The following FKBP15 variants were observed in gnomAD, a reference collection of about 807,000 sequenced individuals.
FKBP15 encodes FKBP prolyl isomerase family member 15, also known as FK506-binding protein 15.
Under a neutral mutation model 158.1 loss-of-function variants are expected in FKBP15, and 106 were observed. The observed-to-expected ratio is 0.67, with a 90% CI of 0.57 to 0.79. The LOEUF is 0.79. Ranked by LOEUF, FKBP15 falls within the 30% of genes least tolerant of loss-of-function variation. The pLI, the probability that FKBP15 is intolerant of heterozygous loss-of-function variation, is 0.00. For missense variants in FKBP15, 1,287 were observed against 1,479.1 expected (o/e 0.87, Z 2.13); for synonymous variants, 547 against 548.6 (o/e 1.00, Z 0.04).
chr9:113,188,436 G>T lies in FKBP15; in HGVS notation c.1229C>A (p.Pro410His), dbSNP rs758106688. ...CGCTGGATGGGCCGGATGAAGAGAG[G>T]GCTGGACGGACGGAGTCACCACAGG... ...GQPVVTPSVQ[P>H]SLHPAHPALP... The change falls in exon 13 of 28, where the codon CCC becomes CAC. Residue 410 changes from proline (P) to histidine (H), a missense_variant. Pro to His is a moderately conservative substitution (Grantham distance 77). Coordinates refer to ENST00000238256, the MANE Select transcript of FKBP15 (RefSeq NM_015258.2). 2.9e-5 allele frequency: 46 copies of T among 1,613,940 alleles called. 1 individual carries two copies. Among genetic ancestry groups the T allele is most frequent in the Non-Finnish European group, 2.8e-5 (33 of 1,179,866 alleles).
At chr9:113,188,548 A>C in intron 12 of FKBP15, 57 bp from the exon 13 acceptor site, 1 of 1,391,360 alleles carries the variant, frequency 7.2e-7, no homozygotes, top group South Asian at 1.2e-5. Context: ...TTGAAGACTG[A>C]GGCTGACTGT....
intron 20 of FKBP15, 35 bp from the exon 21 acceptor site, chr9:113,176,708 A>C: frequency 6.2e-7 from 1 of 1,601,060 alleles, no homozygotes; most frequent in Non-Finnish European, 8.5e-7. Context: ...TCGCTACAGA[A>C]CCAAAGCTGT....
In FKBP15 at chr9:113,170,554, T is replaced by A. The variant is rs751650276; in HGVS notation, c.2734A>T (p.Thr912Ser). The change falls in exon 25 of 28, where the codon ACC (threonine) becomes TCC (serine). Residue 912 changes from threonine (T) to serine (S), a missense_variant. Coordinates refer to ENST00000238256, the MANE Select transcript of FKBP15 (RefSeq NM_015258.2). ...FELEESYNGR[T>S]ILGTIMNTIK... ...GTATTCATGATGGTTCCCAGAATGGTCCTGCCATTGTAAGATTCCTCCAGC... is the reference window on the plus strand; with the variant it reads ...GTATTCATGATGGTTCCCAGAATGGACCTGCCATTGTAAGATTCCTCCAGC... 8.1e-6 allele frequency: 13 copies of A among 1,613,650 alleles called. No individual in the cohort carries two copies. Among genetic ancestry groups the A allele is most frequent in the Non-Finnish European group, 1.1e-5 (13 of 1,179,662 alleles).
In FKBP15 at chr9:113,211,528, G is replaced by A. The variant is rs764998733; in HGVS notation, c.118C>T (p.Gln40Ter). 1 of 1,609,516 alleles carries A rather than the reference G, an allele frequency of 6.2e-7. No individual in the cohort carries two copies. Among genetic ancestry groups the A allele is most frequent in the Non-Finnish European group, 8.5e-7 (1 of 1,178,074 alleles). ...AAAGHGNEFFQYTAPKQPKKG... is the reference protein window; with the variant it reads ...AAAGHGNEFF ...TTAGGCTGTTTTGGGGCTGTGTACT[G>A]GAAAAATTCATTTCCATGGCCAGCA... Residue 40 changes from glutamine (Q) to a stop codon, truncating the protein, a stop_gained, in exon 2 of 28, where the codon CAG (glutamine) becomes TAG (stop). Coordinates refer to ENST00000238256, the MANE Select transcript of FKBP15 (RefSeq NM_015258.2). LOFTEE classifies it high-confidence loss of function.
At chr9:113,219,574 C>T (rs1223796218) in intron 1 of FKBP15, among the ~76,000 whole-genome samples, 1 of 152,104 alleles carries the variant, frequency 6.6e-6, no homozygotes, top group Non-Finnish European at 1.5e-5. Flanking sequence ...TGTCTAGGAG[C>T]ACAGTCACAT....
intron 15 of FKBP15, among the ~76,000 whole-genome samples, chr9:113,185,908 A>G (rs988693145): frequency 6.6e-6 from 1 of 152,180 alleles, no homozygotes; most frequent in Non-Finnish European, 1.5e-5. Context: ...TATTTTCTCT[A>G]AACTCTAGCT....
In FKBP15 at chr9:113,168,555, G is replaced by C; in HGVS notation, c.3487C>G (p.Leu1163Val). ...AGTTCATCCTCTTCATCCCCAGAGA[G>C]ACTGAAGGAAAATCAAGTCATAGAA... ...RPSHHSQRSS[L>V]SGDEEDELFK... is the part of the protein sequence containing the mutation. The change falls in exon 27 of 28, where the codon CTC (leucine) becomes GTC (valine). Residue 1163 changes from leucine to valine, a missense_variant and splice_region_variant. By Grantham distance (32) the Leu-to-Val change is conservative (BLOSUM62 1). Transcript: ENST00000238256. 6.2e-7 allele frequency: 1 copy of C among 1,613,554 alleles called. No homozygotes were observed. The highest frequency in any genetic ancestry group is 1.1e-5 in the South Asian group (1 of 91,072).
In FKBP15 at chr9:113,169,027, A is replaced by G. The variant is rs112791816; in HGVS notation, c.3485+197T>C. Among the ~76,000 whole-genome samples the G allele has an allele frequency of 5.8e-3, 239 of 41,312 alleles. 1 individual carries two copies. Among genetic ancestry groups the G allele is most frequent in the African/African-American group, 0.014 (173 of 12,136 alleles). The allele number at this position is 41,312 out of a possible 152,430, so 27.1% of individuals were successfully genotyped here. A position where few individuals can be genotyped will look rare whatever the true frequency, so the allele number is the denominator to read the frequency against. On this transcript the variant is annotated intron_variant, in intron 26 of 27. Coordinates refer to ENST00000238256, the MANE Select transcript of FKBP15 (RefSeq NM_015258.2). ...CTACCGCAGGGCCCGCCACACTACC[A>G]CAGGGCCCGCCACACTACTGTAGGG...
chr9:113,180,649 G>A (rs1250731625), intron 19 of FKBP15, among the ~76,000 whole-genome samples: 8 of 152,112 alleles, frequency 5.3e-5, no homozygotes, highest in Non-Finnish European at 8.8e-5. Context: ...ACTCAAGAGA[G>A]ATAATAATTT....
At chr9:113,200,099 A>T in intron 6 of FKBP15, 136 bp from the exon 7 acceptor site, 1 of 989,280 alleles carries the variant, frequency 1.0e-6, no homozygotes, top group Admixed American at 3.0e-5. Context: ...AACCAAACGG[A>T]AGCCAGTTAT....
In FKBP15 at chr9:113,184,755, GT is replaced by G; in HGVS notation, c.1547del (p.Asn516ThrfsTer19). 6.2e-7 allele frequency: 1 copy of G among 1,608,502 alleles called. No individual in the cohort carries two copies. Among genetic ancestry groups the G allele is most frequent in the South Asian group, 1.1e-5 (1 of 89,718 alleles). ...TGCTGACTGCCATTCGAATTTCAGT[GT>G]TATGTTGCCGGGCTTCAGTCATGAG... is the stretch of plus-strand genomic sequence containing the variant. Reference protein sequence around the residue: ...SFLMTEARQHNTEIRMAVSKV... With the variant: ...SFLMTEARQHXTEIRMAVSKV... On this transcript the variant is annotated frameshift_variant, in exon 16 of 28. Transcript: ENST00000238256. LOFTEE classifies it high-confidence loss of function. The surrounding 1 kb of genome is among the most constrained non-coding windows in gnomAD (Gnocchi z 4.5).
rs543431557 is a variant in FKBP15 at position 113,184,765 on chromosome 9, C to G, written c.1538G>C (p.Arg513Pro). 2.5e-6 allele frequency: 4 copies of G among 1,606,404 alleles called. No homozygotes were observed. The highest frequency in any genetic ancestry group is 1.3e-5 in the African/African-American group (1 of 74,854). The change falls in exon 16 of 28, where the codon CGG becomes CCG. Residue 513 changes from arginine to proline, a missense_variant. Transcript: ENST00000238256. This position sits in a 1 kb window ranked among gnomAD's most constrained non-coding sequence, Gnocchi z 4.5. ...DMASFLMTEA[R>P]QHNTEIRMAV... ...CATTCGAATTTCAGTGTTATGTTGC[C>G]GGGCTTCAGTCATGAGAAATGAAGC... is the stretch of plus-strand genomic sequence containing the variant.
At position 113,161,442 on chromosome 9, in the gene FKBP15, G is replaced by T; in HGVS notation, c.*4636C>A. 1 of 1,416,740 alleles carries T rather than the reference G, an allele frequency of 7.1e-7. No homozygotes were observed. Among genetic ancestry groups the T allele is most frequent in the Non-Finnish European group, 9.9e-7 (1 of 1,007,956 alleles). 87.8% of individuals were successfully genotyped at this position (1,416,740 alleles called of 1,614,324 possible). A position where few individuals can be genotyped will look rare whatever the true frequency, so the allele number is the denominator to read the frequency against. The stretch of plus-strand genomic sequence containing the variant: ...TGGATGGAGTGGATTCCATGAACAG[G>T]TGGAGGTGCTGGAAGGGAAACAGTG... On this transcript the variant is annotated 3_prime_UTR_variant, in exon 28 of 28. Coordinates refer to ENST00000238256, the MANE Select transcript of FKBP15 (RefSeq NM_015258.2).
intron 27 of FKBP15, 121 bp downstream of exon 27, chr9:113,168,339 G>A (rs1830130943): frequency 1.4e-5 from 11 of 807,518 alleles, no homozygotes; most frequent in Non-Finnish European, 2.0e-5. Flanking sequence ...CTCCCACAGG[G>A]CCCTGCACAC....
intron 1 of FKBP15, among the ~76,000 whole-genome samples, chr9:113,216,222 CA>C (rs902116711): frequency 6.6e-6 from 1 of 151,694 alleles, no homozygotes; most frequent in African/African-American, 2.4e-5. Context: ...ACTTCTTCTC[CA>C]AAGGCATCCT....
intron 1 of FKBP15, among the ~76,000 whole-genome samples, chr9:113,215,366 AGAG>A (rs1831099864): frequency 1.4e-5 from 2 of 146,832 alleles, no homozygotes; most frequent in South Asian, 4.6e-4. Flanking sequence ...AGGCTCAAGA[AGAG>A]ATAAAAAAAA....
chr9:113,163,497 A>AGTT lies in FKBP15; in HGVS notation c.*2578_*2580dup, dbSNP rs1280523858. 1 of 152,626 alleles carries AGTT rather than the reference A, an allele frequency of 6.6e-6. No individual in the cohort carries two copies. The highest frequency in any genetic ancestry group is 1.5e-5 in the Non-Finnish European group (1 of 68,048). The allele number at this position is 152,626 out of a possible 1,614,324, so 9.5% of individuals were successfully genotyped here. A position where few individuals can be genotyped will look rare whatever the true frequency, so the allele number is the denominator to read the frequency against. On this transcript the variant is annotated 3_prime_UTR_variant, in exon 28 of 28. Coordinates refer to ENST00000238256, the MANE Select transcript of FKBP15 (RefSeq NM_015258.2). ...TTTTTATTTTTCCCATTGAACTCCT[A>AGTT]GTTGGCAATTTTGCACATTCATACA...
At chr9:113,196,574 G>C (rs894699505) in intron 9 of FKBP15, among the ~76,000 whole-genome samples, 3 of 151,896 alleles carry the variant, frequency 2.0e-5, no homozygotes, top group Non-Finnish European at 4.4e-5. Flanking sequence ...TAGTAGAGAT[G>C]GGGTTTCACC....
chr9:113,204,999 C>T (rs1006507956), intron 4 of FKBP15, among the ~76,000 whole-genome samples: 2 of 152,040 alleles, frequency 1.3e-5, no homozygotes, highest in African/African-American at 4.8e-5. Flanking sequence ...TACATTTTCC[C>T]ACCTCTTCAC....
Sources: allele counts gnomAD v4.1 joint callset (sites outside exome capture counted in the v4.1 genomes callset), GRCh38; gene constraint gnomAD v4.1.1; non-coding constraint Gnocchi (gnomAD v3.1); transcripts MANE v1.5; gene names NCBI Gene and HGNC (gene_info 2026-07-23, HGNC 2026-07-21).